Variants in PXK observed in about 807,000 individuals in gnomAD.
PXK encodes the protein PX domain containing serine/threonine kinase like, also known as PX domain-containing protein kinase-like protein.
PXK carries 35 observed loss-of-function variants against 84.7 expected under a neutral mutation model. The ratio of observed to expected loss-of-function variants is 0.41; its 90% CI spans 0.32 to 0.55. The LOEUF is 0.55. PXK is among the 20% of genes least tolerant of loss of function. PXK has a pLI of 0.21. For synonymous variants in PXK, 253 were observed against 260.8 expected (o/e 0.97, Z 0.29); for missense variants, 634 against 699.7 (o/e 0.91, Z 1.06).
In PXK at chr3:58,416,966, T is replaced by G. The variant is rs1295147429; in HGVS notation, c.1528+4003T>G. ...TGGCCAGCCCATGCTTAGGCTGTTC[T>G]TCCTTGCAGAACTGGAGGTCGGTCT... is the stretch of plus-strand genomic sequence containing the variant. On this transcript the variant is annotated intron_variant, in intron 17 of 17. Coordinates refer to ENST00000356151, the MANE Select transcript of PXK (RefSeq NM_017771.5). The surrounding 1 kb of genome is among the most constrained non-coding windows in gnomAD (Gnocchi z 4.8). Among the ~76,000 whole-genome samples the G allele has an allele frequency of 2.0e-5, 3 of 152,178 alleles. No homozygotes were observed. Among genetic ancestry groups the G allele is most frequent in the Non-Finnish European group, 1.5e-5 (1 of 68,034 alleles).
chr3:58,376,435 AAT>A (rs1361929759), intron 3 of PXK, among the ~76,000 whole-genome samples: 6 of 152,140 alleles, frequency 3.9e-5, no homozygotes, highest in African/African-American at 1.2e-4. Context: ...AAATAAATAA[AAT>A]TAATTAATTA....
rs1183325946 is a variant in PXK, at chr3:58,333,627, C to T, written c.102+537C>T. The T allele has an allele frequency of 8.8e-6, 4 of 456,676 alleles. No homozygotes were observed. The highest frequency in any genetic ancestry group is 2.0e-5 in the African/African-American group (1 of 50,194). The allele number at this position is 456,676 out of a possible 1,614,324, so 28.3% of individuals were successfully genotyped here. A position where few individuals can be genotyped will look rare whatever the true frequency, so the allele number is the denominator to read the frequency against. The stretch of plus-strand genomic sequence containing the variant: ...GGGGTCTGCAGCCCCGTTTCCAGGT[C>T]AGCCGCTTGGCCCTGGTCCCGGGAA... On this transcript the variant is annotated intron_variant, in intron 1 of 17. Coordinates refer to ENST00000356151, the MANE Select transcript of PXK (RefSeq NM_017771.5). The surrounding 1 kb of genome is among the most constrained non-coding windows in gnomAD (Gnocchi z 5.4).
At chr3:58,384,527 G>A (rs2098534893) in intron 4 of PXK, among the ~76,000 whole-genome samples, 2 of 152,154 alleles carry the variant, frequency 1.3e-5, no homozygotes, top group African/African-American at 4.8e-5. Flanking sequence ...GCACAGATAG[G>A]ACTGGGGCTC....
chr3:58,425,992 C>G lies in PXK; in HGVS notation c.*1032C>G, dbSNP rs1022539626. The G allele has an allele frequency of 3.3e-5, 5 of 152,180 alleles. No homozygotes were observed. Among genetic ancestry groups the G allele is most frequent in the African/African-American group, 1.2e-4 (5 of 41,446 alleles). The allele number at this position is 152,180 out of a possible 1,614,324, so 9.4% of individuals were successfully genotyped here. ...AGTTTCATGTAATCTGTTATGTCAGCTGTATTTTTTATTAAAATCATGTCA... is the reference window on the plus strand; with the variant it reads ...AGTTTCATGTAATCTGTTATGTCAGGTGTATTTTTTATTAAAATCATGTCA... On this transcript the variant is annotated 3_prime_UTR_variant, in exon 18 of 18. Coordinates refer to ENST00000356151, the MANE Select transcript of PXK (RefSeq NM_017771.5).
intron 7 of PXK, among the ~76,000 whole-genome samples, chr3:58,392,823 A>C (rs2098644717): frequency 6.6e-6 from 1 of 151,696 alleles, no homozygotes; most frequent in Admixed American, 6.6e-5. Flanking sequence ...CACCACACCC[A>C]GCTAATTTTT....
At chr3:58,423,656 G>A (rs1434423461) in intron 17 of PXK, among the ~76,000 whole-genome samples, 1 of 152,180 alleles carries the variant, frequency 6.6e-6, no homozygotes, top group African/African-American at 2.4e-5. Flanking sequence ...TAGCAGTGTA[G>A]GGGAAACCAC....
rs529108640 is a variant in PXK at position 58,389,560 on chromosome 3, T to C, written c.389-1022T>C. On this transcript the variant is annotated intron_variant, in intron 4 of 17. Coordinates refer to ENST00000356151, the MANE Select transcript of PXK (RefSeq NM_017771.5). Reference sequence around the variant, plus strand: ...GCAGTGGGCTGCGTGCAGTGGTTCGTGGTTGTATTCCCAGCACTTTGGGAG... The same window carrying C: ...GCAGTGGGCTGCGTGCAGTGGTTCGCGGTTGTATTCCCAGCACTTTGGGAG... Among the ~76,000 whole-genome samples the C allele has an allele frequency of 4.6e-5, 7 of 152,232 alleles. No homozygotes were observed. The East Asian group carries it at 1.4e-3, about 29-fold the overall frequency.
chr3:58,393,714 T>C (rs1361837937), intron 7 of PXK, among the ~76,000 whole-genome samples: 1 of 152,228 alleles, frequency 6.6e-6, no homozygotes, highest in Non-Finnish European at 1.5e-5. Flanking sequence ...TTAAGGTAAA[T>C]ACCTATAATT....
chr3:58,424,354 T>C (rs752907509), intron 17 of PXK, among the ~76,000 whole-genome samples: 4 of 152,210 alleles, frequency 2.6e-5, no homozygotes, highest in Non-Finnish European at 4.4e-5. Flanking sequence ...CAGATGTCTA[T>C]CTTTAATTGC....
Position 58,391,855 on chromosome 3 carries a change from T to C in PXK, c.615+8T>C, listed in dbSNP as rs2098634942. 2 of 1,598,610 alleles carry C rather than the reference T, an allele frequency of 1.3e-6. No individual in the cohort carries two copies. The highest frequency in any genetic ancestry group is 1.7e-6 in the Non-Finnish European group (2 of 1,166,274). On this transcript the variant is annotated splice_region_variant and intron_variant, in intron 7 of 17. Coordinates refer to ENST00000356151, the MANE Select transcript of PXK (RefSeq NM_017771.5). ...CTTCTGCCTTCTTGTTTGGTGAGTA[T>C]ACGTCTTTCTTTTATTCTCAGTGCT...
chr3:58,393,977 A>T (rs773911776), intron 7 of PXK, among the ~76,000 whole-genome samples: 1 of 152,232 alleles, frequency 6.6e-6, no homozygotes, highest in Non-Finnish European at 1.5e-5. Context: ...ATTAGATTGT[A>T]TGATGGTTGT....
In PXK at chr3:58,397,074, T is replaced by C. The variant is rs1202094206; in HGVS notation, c.858T>C (p.Tyr286=). The C allele has an allele frequency of 1.2e-6, 2 of 1,614,128 alleles. No individual in the cohort carries two copies. Among genetic ancestry groups the C allele is most frequent in the African/African-American group, 1.3e-5 (1 of 74,954 alleles). The change falls in exon 10 of 18, where the codon TAT becomes TAC. Residue 286 remains tyrosine (Y), a synonymous_variant. Coordinates refer to ENST00000356151, the MANE Select transcript of PXK (RefSeq NM_017771.5). The surrounding 1 kb of genome is among the most constrained non-coding windows in gnomAD (Gnocchi z 4.7). ...TTCTTCATGACAAGGGATTCCCTTA[T>C]GGGCATCTTCACGCCTCCAATGTGA... ...LKFLHDKGFP[Y]GHLHASNVML...
intron 3 of PXK, among the ~76,000 whole-genome samples, chr3:58,381,121 C>T (rs1354290385): frequency 6.6e-6 from 1 of 151,490 alleles, no homozygotes; most frequent in South Asian, 2.1e-4. Context: ...TTGTGGCTGG[C>T]GCCTGTAGTC....
chr3:58,407,841 G>A lies in PXK; in HGVS notation c.1231-1083G>A, dbSNP rs1204214168. On this transcript the variant is annotated intron_variant, in intron 13 of 17. Transcript: ENST00000356151. This position sits in a 1 kb window ranked among gnomAD's most constrained non-coding sequence, Gnocchi z 4.3. Reference sequence around the variant, plus strand: ...CAAAGTATTGGGATTACAGGCGTGAGCCACCTTGCCCGGCTGCACCAAAGT... The same window carrying A: ...CAAAGTATTGGGATTACAGGCGTGAACCACCTTGCCCGGCTGCACCAAAGT... Among the ~76,000 whole-genome samples, 3 of 152,210 alleles carry A rather than the reference G, an allele frequency of 2.0e-5. No homozygotes were observed. Among genetic ancestry groups the A allele is most frequent in the African/African-American group, 7.2e-5 (3 of 41,444 alleles).
chr3:58,422,112 G>A (rs781074453), intron 17 of PXK: 21 of 985,226 alleles, frequency 2.1e-5, no homozygotes, highest in African/African-American at 8.7e-5. Context: ...GCCATGTGTT[G>A]TAGCTGAAGC....
At chr3:58,419,618 A>T (rs1203854729) in intron 17 of PXK, among the ~76,000 whole-genome samples, 2 of 152,180 alleles carry the variant, frequency 1.3e-5, no homozygotes, top group Non-Finnish European at 2.9e-5. Flanking sequence ...TTTAGGTATG[A>T]TGGCTTGCTT....
intron 1 of PXK, among the ~76,000 whole-genome samples, chr3:58,347,326 A>AAT (rs2097843109): frequency 6.6e-6 from 1 of 152,060 alleles, no homozygotes; most frequent in South Asian, 2.1e-4. Flanking sequence ...AATCTTGACA[A>AAT]ATATATATAT....
chr3:58,334,867 T>G (rs2097557700), intron 1 of PXK, among the ~76,000 whole-genome samples: 1 of 152,068 alleles, frequency 6.6e-6, no homozygotes, highest in Non-Finnish European at 1.5e-5. Flanking sequence ...AAAAATAACT[T>G]AGAGATCAGT....
rs759040551 is a variant in PXK at position 58,399,392 on chromosome 3, T to C, written c.1181+15T>C. ...TTACAGATGCCGTAAGTCAATCATATGCGTTGGTTGTAATCTTGATAACTA... is the reference window on the plus strand; with the variant it reads ...TTACAGATGCCGTAAGTCAATCATACGCGTTGGTTGTAATCTTGATAACTA... On this transcript the variant is annotated intron_variant, in intron 12 of 17. Coordinates refer to ENST00000356151, the MANE Select transcript of PXK (RefSeq NM_017771.5). The surrounding 1 kb of genome is among the most constrained non-coding windows in gnomAD (Gnocchi z 4.3). The C allele has an allele frequency of 1.9e-6, 3 of 1,601,596 alleles. No individual in the cohort carries two copies. The South Asian group carries it at 3.3e-5, about 18-fold the overall frequency.
Sources: allele counts gnomAD v4.1 joint callset (sites outside exome capture counted in the v4.1 genomes callset), GRCh38; gene constraint gnomAD v4.1.1; non-coding constraint Gnocchi (gnomAD v3.1); transcripts MANE v1.5; gene names NCBI Gene and HGNC (gene_info 2026-07-23, HGNC 2026-07-21).